NYAP2: variants seen among roughly 807,000 people sequenced by gnomAD.
NYAP2 encodes neuronal tyrosine-phosphorylated phosphoinositide-3-kinase adapter 2.
A neutral mutation model predicts 50.4 loss-of-function variants in NYAP2; 23 were observed. The ratio of observed to expected loss-of-function variants is 0.46; its 90% confidence interval spans 0.33 to 0.65. NYAP2 has a LOEUF of 0.65. Among genes scored for constraint, NYAP2 ranks in the 30% least tolerant of loss-of-function variants. NYAP2 has a pLI of 0.02. For synonymous variants in NYAP2, 394 were observed against 365.2 expected, an observed-to-expected ratio of 1.08 and a Z score of -0.90; for missense variants, 885 against 861.0, an observed-to-expected ratio of 1.03 and a Z score of -0.35.
chr2:225,444,057 A>G (rs1689513547), intron 3 of NYAP2, among the ~76,000 whole-genome samples: 1 of 152,216 alleles, frequency 6.6e-6, no homozygotes, highest in Non-Finnish European at 1.5e-5. Context: ...AGTTAAATTC[A>G]TAATGACAAT....
At chr2:225,522,066 G>GT (rs1691069421) in intron 4 of NYAP2, among the ~76,000 whole-genome samples, 1 of 152,114 alleles carries the variant, frequency 6.6e-6, no homozygotes. Context: ...TTGCATAGAG[G>GT]TGTTTGTAGT....
intron 5 of NYAP2, among the ~76,000 whole-genome samples, chr2:225,599,619 C>CT (rs1692662975): frequency 6.6e-6 from 1 of 152,160 alleles, no homozygotes; most frequent in Admixed American, 6.5e-5. Flanking sequence ...ACCTTGGAGA[C>CT]TTTTTCCCTG....
chr2:225,643,664 A>G (rs1693574069), intron 6 of NYAP2, among the ~76,000 whole-genome samples: 1 of 150,352 alleles, frequency 6.7e-6, no homozygotes, highest in South Asian at 2.1e-4. Context: ...TCATTGTTCA[A>G]TTCCCACCTA....
At chr2:225,462,694 A>C (rs1689852373) in intron 3 of NYAP2, among the ~76,000 whole-genome samples, 1 of 152,198 alleles carries the variant, frequency 6.6e-6, no homozygotes, top group African/African-American at 2.4e-5. Flanking sequence ...ATCAGAGCAC[A>C]ATCAGAATGT....
chr2:225,691,547 T>C, the NYAP2 span, among the ~76,000 whole-genome samples: 3 of 152,210 alleles, frequency 2.0e-5, no homozygotes, highest in Non-Finnish European at 4.4e-5. Flanking sequence ...ATGGTGTTTA[T>C]GTGCTTACTT....
chr2:225,530,212 G>C (rs1691230038), intron 4 of NYAP2, among the ~76,000 whole-genome samples: 1 of 152,064 alleles, frequency 6.6e-6, no homozygotes, highest in African/African-American at 2.4e-5. Flanking sequence ...ATGTACCCCA[G>C]AGCAGTCTGA....
In NYAP2 at chr2:225,409,038, C is replaced by G. The variant is rs903373744; in HGVS notation, c.158C>G (p.Thr53Ser). 1.9e-6 allele frequency: 3 copies of G among 1,611,892 alleles called. No individual in the cohort carries two copies. The highest frequency in any genetic ancestry group is 2.7e-5 in the African/African-American group (2 of 74,788). Residue 53 changes from threonine to serine, a missense_variant, in exon 3 of 7, where the codon ACT becomes AGT. Transcript: ENST00000636099. ...GAGAATGATCGCTTGAGAAATGAAA[C>G]TAACCTAGCCTATTTGAAAGAGAAG...
At chr2:225,667,936 A>G in the NYAP2 span, among the ~76,000 whole-genome samples, 38 of 152,298 alleles carry the variant, frequency 2.5e-4, no homozygotes, top group Non-Finnish European at 5.0e-4. Context: ...GACCGAGTGT[A>G]TTCTTCTAAA....
the NYAP2 span, among the ~76,000 whole-genome samples, chr2:225,670,258 G>C: frequency 4.9e-4 from 74 of 152,100 alleles, no homozygotes; most frequent in Non-Finnish European, 9.6e-4. Flanking sequence ...GGTTTAACTA[G>C]AGGAAATGGG....
chr2:225,403,782 A>T (rs1168925359), intron 2 of NYAP2, among the ~76,000 whole-genome samples: 1 of 151,958 alleles, frequency 6.6e-6, no homozygotes, highest in Non-Finnish European at 1.5e-5. Flanking sequence ...TGATACTAGT[A>T]CCTATAAAAC....
chr2:225,660,863 G>T, the NYAP2 span, among the ~76,000 whole-genome samples: 1 of 152,082 alleles, frequency 6.6e-6, no homozygotes, highest in East Asian at 1.9e-4. Flanking sequence ...TAAATAGTAT[G>T]CCTTTAAAAA....
At chr2:225,524,827 C>T (rs537661409) in intron 4 of NYAP2, among the ~76,000 whole-genome samples, 6 of 152,106 alleles carry the variant, frequency 3.9e-5, no homozygotes, top group African/African-American at 1.2e-4. Flanking sequence ...AAAACATTTG[C>T]AAGCTATGCA....
At chr2:225,689,187 C>T in the NYAP2 span, among the ~76,000 whole-genome samples, 1 of 152,154 alleles carries the variant, frequency 6.6e-6, no homozygotes, top group African/African-American at 2.4e-5. Context: ...TGACATGGGT[C>T]TTGCTTAAAG....
At position 225,490,279 on chromosome 2, in the gene NYAP2, A is replaced by T. The variant is rs574983391; in HGVS notation, c.222-23092A>T. On this transcript the variant is annotated intron_variant, in intron 3 of 6. Transcript: ENST00000636099. ...TCTGTTCTCTTCTATACCATTCCAC[A>T]TGCAATATTGTCCCAAAGGTATTCC... Among the ~76,000 whole-genome samples the T allele has an allele frequency of 1.3e-4, 20 of 152,240 alleles. No individual in the cohort carries two copies. In the South Asian group the frequency reaches 4.1e-3, roughly 32 times the overall value.
At chr2:225,668,242 T>G in the NYAP2 span, among the ~76,000 whole-genome samples, 1 of 151,792 alleles carries the variant, frequency 6.6e-6, no homozygotes. Context: ...GTCTGATTGT[T>G]CTCTTGTGAT....
At chr2:225,494,367 A>G (rs1690464357) in intron 3 of NYAP2, among the ~76,000 whole-genome samples, 2 of 152,194 alleles carry the variant, frequency 1.3e-5, no homozygotes, top group Admixed American at 1.3e-4. Context: ...GACTTTGAAG[A>G]TGACTTAATA....
At chr2:225,410,876 G>A (rs1384268979) in intron 3 of NYAP2, among the ~76,000 whole-genome samples, 1 of 152,122 alleles carries the variant, frequency 6.6e-6, no homozygotes, top group Non-Finnish European at 1.5e-5. Flanking sequence ...GGTAGACGGA[G>A]ACACAGCAAA....
chr2:225,556,308 A>G (rs1691775235), intron 4 of NYAP2, among the ~76,000 whole-genome samples: 1 of 152,244 alleles, frequency 6.6e-6, no homozygotes. Context: ...TACAGGTATA[A>G]TCATTATTTA....
At chr2:225,591,959 C>CTTA (rs1167553533) in intron 5 of NYAP2, among the ~76,000 whole-genome samples, 1 of 152,152 alleles carries the variant, frequency 6.6e-6, no homozygotes. Context: ...ATCCCAGTCA[C>CTTA]TGTAAGGAAC....
Sources: allele counts gnomAD v4.1 joint callset (sites outside exome capture counted in the v4.1 genomes callset), GRCh38; gene constraint gnomAD v4.1.1; transcripts MANE v1.5; gene names NCBI Gene and HGNC (gene_info 2026-07-23, HGNC 2026-07-21).